RGS9: variants seen among roughly 807,000 people sequenced by gnomAD.
RGS9 encodes the protein regulator of G-protein signalling 9.
Under a neutral mutation model 102.0 loss-of-function variants are expected in RGS9, and 78 were observed. The observed-to-expected ratio is 0.76, with a 90% CI of 0.64 to 0.92. The LOEUF (loss-of-function observed/expected upper bound fraction) is 0.92. Among genes scored for constraint, RGS9 ranks in the 40% least tolerant of loss-of-function variants. The probability of loss-of-function intolerance (pLI) is 0.00; values close to 1 mark genes in which losing one functional copy is unlikely to be tolerated. For synonymous variants in RGS9, 353 were observed against 318.6 expected, an observed-to-expected ratio of 1.11 and a Z score of -1.15; for missense variants, 833 against 866.1, an observed-to-expected ratio of 0.96 and a Z score of 0.48.
At chr17:65,212,305 AG>A (rs2144112725) in intron 17 of RGS9, among the ~76,000 whole-genome samples, 1 of 152,064 alleles carries the variant, frequency 6.6e-6, no homozygotes, top group Non-Finnish European at 1.5e-5. Flanking sequence ...TTGAAGAATG[AG>A]GGCCATTGTT....
intron 9 of RGS9, among the ~76,000 whole-genome samples, chr17:65,186,874 C>A (rs1912144738): frequency 1.3e-5 from 2 of 152,172 alleles, no homozygotes; most frequent in South Asian, 4.1e-4. Context: ...TACAGCTCCC[C>A]CTTTGAGCAG....
At chr17:65,209,561 G>A (rs540988227) in intron 16 of RGS9, among the ~76,000 whole-genome samples, 12 of 152,222 alleles carry the variant, frequency 7.9e-5, no homozygotes, top group Non-Finnish European at 1.2e-4. Flanking sequence ...GATACCTAGA[G>A]CTTTGTCCTG....
intron 1 of RGS9, among the ~76,000 whole-genome samples, chr17:65,138,913 T>A (rs891076962): frequency 1.2e-5 from 1 of 86,220 alleles, no homozygotes; most frequent in Admixed American, 1.4e-4. Flanking sequence ...AGTGTCTTGG[T>A]CTCTAGTTTC....
Position 65,146,068 on chromosome 17 carries a change from T to C in RGS9, c.58-7354T>C, listed in dbSNP as rs545440984. ...CTCTGAAGGTTATTTTCAAACTCTTTATAACTCGATTTTTTTTTAAATGCA... is the reference window on the plus strand; with the variant it reads ...CTCTGAAGGTTATTTTCAAACTCTTCATAACTCGATTTTTTTTTAAATGCA... On this transcript the variant is annotated intron_variant, in intron 1 of 18. Coordinates refer to ENST00000262406, the MANE Select transcript of RGS9 (RefSeq NM_003835.4). 2.7e-3 allele frequency among the ~76,000 whole-genome samples: 417 copies of C among 152,300 alleles called. 5 individuals are homozygous for C. The highest frequency in any genetic ancestry group is 0.027 in the South Asian group (132 of 4,830).
At chr17:65,160,181 G>A in intron 3 of RGS9, 52 bp from the exon 4 acceptor site, 2 of 1,421,206 alleles carry the variant, frequency 1.4e-6, no homozygotes. Context: ...CCGGCAATGA[G>A]CTCCTGTCTC....
In RGS9 at chr17:65,226,522, C is replaced by T. The variant is rs546043389; in HGVS notation, c.1893-753C>T. The stretch of plus-strand genomic sequence containing the variant: ...AGAGGGAATATTCCAGCTTTGGGGC[C>T]GCTGCTATGCCTCATACATGGGCTT... On this transcript the variant is annotated intron_variant, in intron 18 of 18. Transcript: ENST00000262406. Among the ~76,000 whole-genome samples the T allele has an allele frequency of 6.6e-5, 10 of 152,130 alleles. No individual in the cohort carries two copies. In the South Asian group the frequency reaches 8.3e-4, roughly 13 times the overall value.
intron 9 of RGS9, among the ~76,000 whole-genome samples, chr17:65,178,252 C>T (rs956731134): frequency 6.6e-6 from 1 of 152,134 alleles, no homozygotes; most frequent in African/African-American, 2.4e-5. Flanking sequence ...ATCCACATGA[C>T]AGGACCTGGA....
At chr17:65,195,091 G>T (rs1014099458) in intron 12 of RGS9, among the ~76,000 whole-genome samples, 2 of 152,190 alleles carry the variant, frequency 1.3e-5, no homozygotes, top group African/African-American at 4.8e-5. Flanking sequence ...GGCTGTTGGG[G>T]TGCTTCTCTG....
chr17:65,160,494 C>A, intron 4 of RGS9, 42 bp from the exon 5 acceptor site: 1 of 1,612,922 alleles, frequency 6.2e-7, no homozygotes, highest in South Asian at 1.1e-5. Flanking sequence ...CATTGAGTCA[C>A]AATCCAGTTT....
Position 65,145,038 on chromosome 17 carries a change from C to T in RGS9, c.57+7441C>T, listed in dbSNP as rs181474367. On this transcript the variant is annotated intron_variant, in intron 1 of 18. Coordinates refer to ENST00000262406, the MANE Select transcript of RGS9 (RefSeq NM_003835.4). ...GTCCTAATCTGTTCTCATAAAGACA[C>T]TGGTCATAGGGGATTAGGGTCCACT... Among the ~76,000 whole-genome samples, 14 of 152,286 alleles carry T rather than the reference C, an allele frequency of 9.2e-5. No homozygotes were observed. The South Asian group carries it at 1.2e-3, about 14-fold the overall frequency.
chr17:65,210,888 G>A (rs931324045), intron 17 of RGS9, among the ~76,000 whole-genome samples: 1 of 152,136 alleles, frequency 6.6e-6, no homozygotes, highest in African/African-American at 2.4e-5. Context: ...GGGTGGGAGA[G>A]GGGATCACCT....
chr17:65,196,576 G>A (rs1053513306), intron 12 of RGS9, among the ~76,000 whole-genome samples: 40 of 152,366 alleles, frequency 2.6e-4, no homozygotes, highest in African/African-American at 9.4e-4. Flanking sequence ...AGCCCTGAAA[G>A]GGAGTGCAGA....
intron 15 of RGS9, among the ~76,000 whole-genome samples, chr17:65,205,184 G>A (rs1343072576): frequency 1.3e-5 from 2 of 152,230 alleles, no homozygotes; most frequent in Non-Finnish European, 2.9e-5. Flanking sequence ...GAGGCTCAGA[G>A]TTAGCCTTAA....
At position 65,153,471 on chromosome 17, in the gene RGS9, T is replaced by G; in HGVS notation, c.107T>G (p.Met36Arg). 2 of 1,614,222 alleles carry G rather than the reference T, an allele frequency of 1.2e-6. No individual in the cohort carries two copies. Among genetic ancestry groups the G allele is most frequent in the East Asian group, 2.2e-5 (1 of 44,884 alleles). Residue 36 changes from methionine to arginine, a missense_variant, in exon 2 of 19, where the codon ATG (methionine) becomes AGG (arginine). Met to Arg is a moderately conservative substitution (Grantham distance 91). Around this residue, in one of 3 missense-constraint regions of RGS9, gnomAD observed 328 missense variants for 340.6 expected, o/e 0.96. Coordinates refer to ENST00000262406, the MANE Select transcript of RGS9 (RefSeq NM_003835.4). The part of the protein sequence containing the change: ...DMQNPETGVR[M>R]QNQRVLVTSV... Reference sequence around the variant, plus strand: ...CAGAACCCAGAGACAGGGGTCCGAATGCAGAACCAGAGGGTCCTGGTCACC... The same window carrying G: ...CAGAACCCAGAGACAGGGGTCCGAAGGCAGAACCAGAGGGTCCTGGTCACC...
At chr17:65,188,395 C>G (rs891559425) in intron 9 of RGS9, among the ~76,000 whole-genome samples, 6 of 152,204 alleles carry the variant, frequency 3.9e-5, no homozygotes, top group African/African-American at 1.4e-4. Context: ...GGCAGCTCAA[C>G]TCGGGGACTC....
rs762407359 is a variant in RGS9, at chr17:65,158,374, C to T, written c.205+29C>T. The T allele has an allele frequency of 4.7e-5, 76 of 1,606,212 alleles. No individual in the cohort carries two copies. The East Asian group carries it at 1.0e-3, about 22-fold the overall frequency. On this transcript the variant is annotated intron_variant, in intron 3 of 18. Coordinates refer to ENST00000262406, the MANE Select transcript of RGS9 (RefSeq NM_003835.4). ...AGAGCTCATCTGGCACTCAGTTATC[C>T]GGGACAGCTTTGTGTACAGCACCAT...
intron 1 of RGS9, among the ~76,000 whole-genome samples, chr17:65,140,607 G>A (rs556489565): frequency 6.6e-6 from 1 of 152,216 alleles, no homozygotes; most frequent in African/African-American, 2.4e-5. Context: ...AGTTGCAGTG[G>A]CTCATGCCTG....
chr17:65,165,610 A>T (rs1598576888), intron 7 of RGS9, among the ~76,000 whole-genome samples: 1 of 151,888 alleles, frequency 6.6e-6, no homozygotes, highest in Non-Finnish European at 1.5e-5. Context: ...CTCACTCTCC[A>T]AACCTCTTCC....
chr17:65,202,217 C>T, intron 14 of RGS9, 137 bp downstream of exon 14: 1 of 676,118 alleles, frequency 1.5e-6, no homozygotes, highest in Non-Finnish European at 2.7e-6. Context: ...GTTCACTGTA[C>T]TTGCCATGCT....
Sources: allele counts gnomAD v4.1 joint callset (sites outside exome capture counted in the v4.1 genomes callset), GRCh38; gene constraint gnomAD v4.1.1; regional missense constraint gnomAD v4.1.1; transcripts MANE v1.5; gene names NCBI Gene and HGNC (gene_info 2026-07-23, HGNC 2026-07-21).